Variants in INMT observed in about 807,000 individuals in gnomAD.
INMT encodes indolethylamine N-methyltransferase, also known as amine N-methyltransferase.
A neutral mutation model predicts 11.5 loss-of-function variants in INMT; 11 were observed. The ratio of observed to expected loss-of-function variants is 0.95; its 90% CI spans 0.60 to 1.58. The LOEUF (loss-of-function observed/expected upper bound fraction) is 1.58, where lower values mean the gene tolerates loss of function less well. Among genes scored for constraint, INMT ranks in the 40% most tolerant of loss-of-function variants. The pLI is 0.00. For missense variants in INMT, 316 were observed against 336.1 expected (o/e 0.94, Z 0.47); for synonymous variants, 155 against 142.9 (o/e 1.08, Z -0.60).
Position 30,755,728 on chromosome 7 carries a change from G to A in INMT, c.669G>A (p.Gln223=). The change falls in exon 3 of 3, where the codon CAG becomes CAA. Residue 223 remains glutamine (Q), a synonymous_variant. Transcript: ENST00000013222. The part of the protein sequence containing the change: ...CVALEKEEVE[Q]AVLDAGFDIE... ...CCCTGGAGAAAGAGGAGGTGGAGCA[G>A]GCTGTCCTGGATGCTGGCTTTGACA... 6.2e-7 allele frequency: 1 copy of A among 1,614,244 alleles called. No homozygotes were observed. The highest frequency in any genetic ancestry group is 8.5e-7 in the Non-Finnish European group (1 of 1,180,040).
In INMT at chr7:30,755,658, G is replaced by A. The variant is rs375212648; in HGVS notation, c.599G>A (p.Arg200Gln). ...CACCTGGTGACCACTGTCACGCTTC[G>A]GCTCCCGTCCTACATGGTGGGGAAG... Reference protein sequence around the residue: ...GGHLVTTVTLRLPSYMVGKRE... With the variant: ...GGHLVTTVTLQLPSYMVGKRE... The change falls in exon 3 of 3, where the codon CGG (arginine) becomes CAG (glutamine). Residue 200 changes from arginine (R) to glutamine (Q), a missense_variant. Physicochemically the swap from Arg to Gln is conservative, Grantham distance 43. Coordinates refer to ENST00000013222, the MANE Select transcript of INMT (RefSeq NM_006774.5). 19 of 1,614,058 alleles carry A rather than the reference G, an allele frequency of 1.2e-5. No homozygotes were observed. The highest frequency in any genetic ancestry group is 3.3e-5 in the Admixed American group (2 of 60,000).
At chr7:30,752,973 C>T (rs1196685358) in intron 1 of INMT, among the ~76,000 whole-genome samples, 2 of 152,170 alleles carry the variant, frequency 1.3e-5, no homozygotes, top group East Asian at 1.9e-4. Context: ...GGGTGAGTCT[C>T]CTGGTGGTCT....
At chr7:30,752,396 T>C in intron 1 of INMT, 92 bp downstream of exon 1, 1 of 1,094,578 alleles carries the variant, frequency 9.1e-7, no homozygotes, top group Non-Finnish European at 1.3e-6. Context: ...TCTGGTCTCC[T>C]CTAGGGGTTT....
chr7:30,753,461 A>C (rs777852206), intron 1 of INMT, among the ~76,000 whole-genome samples: 1 of 152,254 alleles, frequency 6.6e-6, no homozygotes, highest in Non-Finnish European at 1.5e-5. Context: ...TATTGGGCTA[A>C]TTGTTTAACC....
In INMT at chr7:30,755,408, C is replaced by T; in HGVS notation, c.363-14C>T. 1 of 1,569,790 alleles carries T rather than the reference C, an allele frequency of 6.4e-7. No individual in the cohort carries two copies. Among genetic ancestry groups the T allele is most frequent in the Non-Finnish European group, 8.6e-7 (1 of 1,164,994 alleles). On this transcript the variant is annotated splice_polypyrimidine_tract_variant and intron_variant, in intron 2 of 2. Coordinates refer to ENST00000013222, the MANE Select transcript of INMT (RefSeq NM_006774.5). The stretch of plus-strand genomic sequence containing the variant: ...CCTCAAAGGGCCTCCCCGACTCCCT[C>T]TCTCTCTCTGCAGCGGCCGATGGGA...
At position 30,757,348 on chromosome 7, in the gene INMT, G is replaced by A. The variant is rs192808105; in HGVS notation, c.*1497G>A. 48 of 226,374 alleles carry A rather than the reference G, an allele frequency of 2.1e-4. 1 individual carries two copies. The highest frequency in any genetic ancestry group is 1.6e-3 in the Middle Eastern group (1 of 642). The allele number at this position is 226,374 out of a possible 1,614,324, so 14.0% of individuals were successfully genotyped here. ...GGCTTGACATGGTGGGCACACTGGC[G>A]CCCAGTAAGAGAGAGAGAGAGCCAA... On this transcript the variant is annotated 3_prime_UTR_variant, in exon 3 of 3. Transcript: ENST00000013222.
rs926895825 is a variant in INMT, at chr7:30,754,289, G to A, written c.362+351G>A. 9.3e-5 allele frequency among the ~76,000 whole-genome samples: 14 copies of A among 150,452 alleles called. No individual in the cohort carries two copies. The highest frequency in any genetic ancestry group is 2.2e-4 in the African/African-American group (9 of 40,848). On this transcript the variant is annotated intron_variant, in intron 2 of 2. Coordinates refer to ENST00000013222, the MANE Select transcript of INMT (RefSeq NM_006774.5). The surrounding 1 kb of genome is among the most constrained non-coding windows in gnomAD (Gnocchi z 4.9). The stretch of plus-strand genomic sequence containing the variant: ...ACTATCCGTGCATATCCATCCATCC[G>A]TCCACCCACCGGTTCATCCATTCAT...
At chr7:30,755,073 C>G (rs1201480842) in intron 2 of INMT, among the ~76,000 whole-genome samples, 1 of 152,112 alleles carries the variant, frequency 6.6e-6, no homozygotes, top group Admixed American at 6.5e-5. Context: ...CATACATTAT[C>G]TGTAGTAAAT....
chr7:30,752,702 G>A (rs1447961098), intron 1 of INMT, among the ~76,000 whole-genome samples: 2 of 152,274 alleles, frequency 1.3e-5, no homozygotes, highest in Middle Eastern at 3.4e-3. Context: ...GCCTGTGCCC[G>A]GAGTGTGCAG....
At position 30,756,308 on chromosome 7, in the gene INMT, T is replaced by A; in HGVS notation, c.*457T>A. The A allele has an allele frequency of 5.1e-6, 4 of 783,348 alleles. No homozygotes were observed. The highest frequency in any genetic ancestry group is 6.2e-6 in the Non-Finnish European group (4 of 645,864). 48.5% of individuals were successfully genotyped at this position (783,348 alleles called of 1,614,324 possible). A position where few individuals can be genotyped will look rare whatever the true frequency, so the allele number is the denominator to read the frequency against. On this transcript the variant is annotated 3_prime_UTR_variant, in exon 3 of 3. Transcript: ENST00000013222. ...TAGAGTGCAATGGCACGATCTCGGC[T>A]CACTGCAAGCTCTGCGTCCTGGGTT... is the stretch of plus-strand genomic sequence containing the variant.
In INMT at chr7:30,752,237, C is replaced by A. The variant is rs761528074; in HGVS notation, c.87C>A (p.Gly29=). The A allele has an allele frequency of 6.2e-7, 1 of 1,614,108 alleles. No homozygotes were observed. The highest frequency in any genetic ancestry group is 8.5e-7 in the Non-Finnish European group (1 of 1,179,992). The change falls in exon 1 of 3, where the codon GGC becomes GGA. Residue 29 remains glycine, a synonymous_variant. Transcript: ENST00000013222. ...DYLATYYSFD[G]SPSPEAEMLK... is the part of the protein sequence containing the mutation. ...TGGCTACTTACTACAGCTTCGATGGCAGCCCCTCACCCGAGGCCGAGATGC... is the reference window on the plus strand; with the variant it reads ...TGGCTACTTACTACAGCTTCGATGGAAGCCCCTCACCCGAGGCCGAGATGC...
In INMT at chr7:30,754,992, A is replaced by T. The variant is rs1786196258; in HGVS notation, c.363-430A>T. Among the ~76,000 whole-genome samples, 1 of 152,218 alleles carries T rather than the reference A, an allele frequency of 6.6e-6. No individual in the cohort carries two copies. Among genetic ancestry groups the T allele is most frequent in the South Asian group, 2.1e-4 (1 of 4,826 alleles). On this transcript the variant is annotated intron_variant, in intron 2 of 2. Transcript: ENST00000013222. The surrounding 1 kb of genome is among the most constrained non-coding windows in gnomAD (Gnocchi z 4.9). ...TAGTCGCCTTTGAGCTTTATAGCAG[A>T]GTAATTTGCTCTGTGTCATTTGCGA...
rs1486480056 is a variant in INMT, at chr7:30,754,885, G to T, written c.363-537G>T. 6.6e-6 allele frequency among the ~76,000 whole-genome samples: 1 copy of T among 152,054 alleles called. No individual in the cohort carries two copies. The highest frequency in any genetic ancestry group is 2.4e-5 in the African/African-American group (1 of 41,414). On this transcript the variant is annotated intron_variant, in intron 2 of 2. Transcript: ENST00000013222. The surrounding 1 kb of genome is among the most constrained non-coding windows in gnomAD (Gnocchi z 4.9). ...CCAACCTCGGGTAATCACTAATATG[G>T]ATTTTATGCTTATCATTCCCTTTTT...
At position 30,752,195 on chromosome 7, in the gene INMT, C is replaced by G. The variant is rs1584193750; in HGVS notation, c.45C>G (p.Phe15Leu). ...GGGGTGATGAGTACCAGAAGCACTT[C>G]CTGCCCAGGGACTACTTGGCTACTT... The part of the protein sequence containing the change: ...FTGGDEYQKH[F>L]LPRDYLATYY... The change falls in exon 1 of 3, where the codon TTC becomes TTG. Residue 15 changes from phenylalanine (F) to leucine (L), a missense_variant. Transcript: ENST00000013222. 1.9e-6 allele frequency: 3 copies of G among 1,613,924 alleles called. No individual in the cohort carries two copies. In the East Asian group the frequency reaches 6.7e-5, roughly 36 times the overall value.
chr7:30,753,847 C>T lies in INMT; in HGVS notation c.271C>T (p.Arg91Trp), dbSNP rs377250791. The T allele has an allele frequency of 1.7e-5, 28 of 1,614,078 alleles. No individual in the cohort carries two copies. Among genetic ancestry groups the T allele is most frequent in the East Asian group, 6.7e-5 (3 of 44,898 alleles). The part of the protein sequence containing the change: ...ITLSDFTDRN[R>W]EELEKWLKKE... ...TCTCTCCGACTTTACCGACCGCAAC[C>T]GGGAGGAGCTGGAAAAGTGGCTGAA... The change falls in exon 2 of 3, where the codon CGG (arginine) becomes TGG (tryptophan). Residue 91 changes from arginine to tryptophan, a missense_variant. Arg to Trp is a moderately radical substitution (Grantham distance 101). Coordinates refer to ENST00000013222, the MANE Select transcript of INMT (RefSeq NM_006774.5).
In INMT at chr7:30,756,402, AT is replaced by A. The variant is rs58472657; in HGVS notation, c.*570del. ...AGGAGCTCGCCACCACACCCAGCTA[AT>A]TTTTTTTTTTTTTTTTTTATTTGAG... On this transcript the variant is annotated 3_prime_UTR_variant, in exon 3 of 3. Transcript: ENST00000013222. 144 of 95,620 alleles carry A rather than the reference AT, an allele frequency of 1.5e-3. 5 individuals carry two copies. In the Middle Eastern group the frequency reaches 0.017, roughly 11 times the overall value. The allele number at this position is 95,620 out of a possible 1,614,324, so 5.9% of individuals were successfully genotyped here. A position where few individuals can be genotyped will look rare whatever the true frequency, so the allele number is the denominator to read the frequency against.
At chr7:30,753,686 T>C in intron 1 of INMT, 45 bp from the exon 2 acceptor site, 1 of 1,558,592 alleles carries the variant, frequency 6.4e-7, no homozygotes, top group Non-Finnish European at 8.9e-7. Context: ...CTGCCTTGGG[T>C]CTCGTTTCTT....
chr7:30,752,418 C>A (rs1343138332), intron 1 of INMT, 114 bp downstream of exon 1: 15 of 802,272 alleles, frequency 1.9e-5, no homozygotes, highest in Non-Finnish European at 2.8e-5. Context: ...TGGGGATGGG[C>A]TGGGGGAGCT....
chr7:30,755,298 C>G lies in INMT; in HGVS notation c.363-124C>G, dbSNP rs578084664. On this transcript the variant is annotated intron_variant, in intron 2 of 2. Transcript: ENST00000013222. ...AAGAAGAGCCTGCTGTCAGGTCACACAGGGACTCAGGGACAGCAATCCTTT... is the reference window on the plus strand; with the variant it reads ...AAGAAGAGCCTGCTGTCAGGTCACAGAGGGACTCAGGGACAGCAATCCTTT... 482 of 838,728 alleles carry G rather than the reference C, an allele frequency of 5.7e-4. 1 individual carries two copies. The highest frequency in any genetic ancestry group is 7.9e-4 in the Non-Finnish European group (435 of 550,538). The allele number at this position is 838,728 out of a possible 1,614,324, so 52.0% of individuals were successfully genotyped here.
Sources: gnomAD v4.1 joint callset for allele counts (sites outside exome capture counted in the v4.1 genomes callset) on GRCh38, gnomAD v4.1.1 for gene constraint, Gnocchi (gnomAD v3.1) non-coding constraint, MANE v1.5 for transcripts, NCBI Gene and HGNC (gene_info 2026-07-23, HGNC 2026-07-21) for gene names.